GLIS3: variants seen among roughly 807,000 people sequenced by gnomAD.
GLIS3 encodes the protein GLIS family zinc finger 3.
Under a neutral mutation model 78.6 loss-of-function variants are expected in GLIS3, and 53 were observed. The observed-to-expected ratio is 0.67, with a 90% CI of 0.54 to 0.85. The LOEUF (loss-of-function observed/expected upper bound fraction) is 0.85, where lower values mean the gene tolerates loss of function less well. Among genes scored for constraint, GLIS3 ranks in the 40% least tolerant of loss-of-function variants. The pLI is 0.00. For synonymous variants in GLIS3, 684 were observed against 509.9 expected, an observed-to-expected ratio of 1.34 and a Z score of -4.60; for missense variants, 1,703 against 1,231.1, an observed-to-expected ratio of 1.38 and a Z score of -5.74.
intron 4 of GLIS3, among the ~76,000 whole-genome samples, chr9:3,959,635 C>G (rs1241697221): frequency 6.6e-6 from 1 of 152,192 alleles, no homozygotes; most frequent in African/African-American, 2.4e-5. Context: ...GCATAAAGCC[C>G]TTCCCACCTC....
the GLIS3 span, among the ~76,000 whole-genome samples, chr9:4,420,222 G>A: frequency 3.3e-5 from 5 of 152,298 alleles, no homozygotes; most frequent in South Asian, 1.0e-3. Context: ...ACATGGAGAG[G>A]AAGATGCAAT....
intron 6 of GLIS3, among the ~76,000 whole-genome samples, chr9:3,902,061 C>A (rs557974852): frequency 6.6e-6 from 1 of 152,168 alleles, no homozygotes; most frequent in Non-Finnish European, 1.5e-5. Context: ...AGGAATTTCA[C>A]GGCTAGGGTT....
In GLIS3 at chr9:4,256,547, G is replaced by C. The variant is rs778438220; in HGVS notation, c.388+29491C>G. 5.3e-5 allele frequency among the ~76,000 whole-genome samples: 8 copies of C among 152,150 alleles called. No homozygotes were observed. The East Asian group carries it at 1.5e-3, about 29-fold the overall frequency. On this transcript the variant is annotated intron_variant, in intron 2 of 10. Coordinates refer to ENST00000381971, the MANE Select transcript of GLIS3 (RefSeq NM_001042413.2). The stretch of plus-strand genomic sequence containing the variant: ...ACACTTTGGAAATAGAAACTGGTAT[G>C]ATCTTTCTGAATGGTAAGTTGGCAA...
At chr9:4,249,741 T>C (rs1168562525) in intron 2 of GLIS3, among the ~76,000 whole-genome samples, 3 of 152,228 alleles carry the variant, frequency 2.0e-5, no homozygotes, top group Non-Finnish European at 1.5e-5. Context: ...TTCAGTATGA[T>C]ATTGACTGTG....
At chr9:3,941,476 T>C (rs1256178174) in intron 4 of GLIS3, among the ~76,000 whole-genome samples, 10 of 152,230 alleles carry the variant, frequency 6.6e-5, no homozygotes, top group Admixed American at 5.9e-4. Flanking sequence ...CGCTGCACTT[T>C]AATCTGCCAC....
At chr9:4,419,905 T>C in the GLIS3 span, among the ~76,000 whole-genome samples, 1 of 152,174 alleles carries the variant, frequency 6.6e-6, no homozygotes, top group African/African-American at 2.4e-5. Context: ...CCACCAGGCC[T>C]CACCTACCAC....
intron 4 of GLIS3, among the ~76,000 whole-genome samples, chr9:3,974,496 G>A (rs560623234): frequency 6.6e-6 from 1 of 152,250 alleles, no homozygotes; most frequent in South Asian, 2.1e-4. Context: ...TGCAATTGGG[G>A]AACTGACTGG....
intron 2 of GLIS3, among the ~76,000 whole-genome samples, chr9:4,240,416 T>G (rs1223882089): frequency 6.6e-6 from 1 of 152,126 alleles, no homozygotes; most frequent in Non-Finnish European, 1.5e-5. Flanking sequence ...TGGGACCCAG[T>G]TCCTAACAGG....
chr9:4,185,062 C>T (rs1172588323), intron 2 of GLIS3, among the ~76,000 whole-genome samples: 1 of 152,150 alleles, frequency 6.6e-6, no homozygotes, highest in East Asian at 1.9e-4. Context: ...TAGACCATTG[C>T]CATCATCCCA....
At position 4,140,988 on chromosome 9, in the gene GLIS3, C is replaced by T. The variant is rs569279425; in HGVS notation, c.389-15047G>A. Reference sequence around the variant, plus strand: ...TAATTTTTTGTATTTTTAGTAGAGACGGGGTTTCATCATGTTGGACAGGCT... The same window carrying T: ...TAATTTTTTGTATTTTTAGTAGAGATGGGGTTTCATCATGTTGGACAGGCT... On this transcript the variant is annotated intron_variant, in intron 2 of 10. Coordinates refer to ENST00000381971, the MANE Select transcript of GLIS3 (RefSeq NM_001042413.2). Among the ~76,000 whole-genome samples, 45 of 152,178 alleles carry T rather than the reference C, an allele frequency of 3.0e-4. No homozygotes were observed. In the South Asian group the frequency reaches 6.0e-3, roughly 20 times the overall value.
intron 2 of GLIS3, among the ~76,000 whole-genome samples, chr9:4,189,463 A>G (rs1278658218): frequency 9.2e-5 from 14 of 152,084 alleles, no homozygotes; most frequent in Non-Finnish European, 1.5e-4. Flanking sequence ...AAAAAAATGT[A>G]TATTCTGTTG....
intron 2 of GLIS3, among the ~76,000 whole-genome samples, chr9:4,245,623 T>C (rs946231870): frequency 6.6e-6 from 1 of 152,204 alleles, no homozygotes; most frequent in African/African-American, 2.4e-5. Context: ...GCAACTCCCT[T>C]AGACTCCAAT....
chr9:4,422,087 A>G, the GLIS3 span, among the ~76,000 whole-genome samples: 64 of 152,340 alleles, frequency 4.2e-4, no homozygotes, highest in African/African-American at 1.4e-3. Context: ...CAAAAAGTCA[A>G]TTGTGTCCAT....
At chr9:4,184,774 C>A (rs1018877931) in intron 2 of GLIS3, among the ~76,000 whole-genome samples, 2 of 152,066 alleles carry the variant, frequency 1.3e-5, no homozygotes, top group Non-Finnish European at 2.9e-5. Context: ...ATATTAAGTG[C>A]TTTTATGTAA....
chr9:4,299,092 G>A (rs1587362765), intron 1 of GLIS3, among the ~76,000 whole-genome samples: 1 of 152,100 alleles, frequency 6.6e-6, no homozygotes, highest in African/African-American at 2.4e-5. Context: ...TACTTGAAAT[G>A]AAAACACAAA....
At chr9:4,048,160 G>C (rs929225606) in intron 4 of GLIS3, among the ~76,000 whole-genome samples, 3 of 152,206 alleles carry the variant, frequency 2.0e-5, no homozygotes, top group Admixed American at 1.3e-4. Context: ...CTGAAGAAGA[G>C]TGAGGGGTAA....
the GLIS3 span, among the ~76,000 whole-genome samples, chr9:4,398,966 C>T: frequency 1.8e-3 from 277 of 152,308 alleles, 12 homozygotes; most frequent in South Asian, 0.053. Flanking sequence ...GGATTACAGG[C>T]GTGAGCCACC....
chr9:4,095,481 G>T (rs1303030927), intron 4 of GLIS3, among the ~76,000 whole-genome samples: 1 of 152,148 alleles, frequency 6.6e-6, no homozygotes, highest in Non-Finnish European at 1.5e-5. Flanking sequence ...AGATTGGGAG[G>T]GTTGCAGAAG....
chr9:4,421,016 G>A, the GLIS3 span, among the ~76,000 whole-genome samples: 4 of 152,144 alleles, frequency 2.6e-5, no homozygotes, highest in South Asian at 2.1e-4. Flanking sequence ...TTGCACGTTC[G>A]CTTCTGCACT....
Sources: allele counts gnomAD v4.1 joint callset (sites outside exome capture counted in the v4.1 genomes callset), GRCh38; gene constraint gnomAD v4.1.1; transcripts MANE v1.5; gene names NCBI Gene and HGNC (gene_info 2026-07-23, HGNC 2026-07-21).